The following NKAIN2 variants were observed in gnomAD, a reference collection of about 807,000 sequenced individuals.
NKAIN2 encodes the protein sodium/potassium-transporting ATPase subunit beta-1-interacting protein 2.
Under a neutral mutation model 32.6 loss-of-function variants are expected in NKAIN2, and 14 were observed. The observed-to-expected ratio is 0.43, with a 90% CI of 0.28 to 0.67. NKAIN2 has a LOEUF of 0.67. Ranked by LOEUF, NKAIN2 falls within the 30% of genes least tolerant of loss-of-function variation. The pLI is 0.17. For missense variants in NKAIN2, 198 were observed against 258.3 expected (o/e 0.77, Z 1.60); for synonymous variants, 80 against 87.2 (o/e 0.92, Z 0.46).
At chr6:124,261,888 A>G (rs938429177) in intron 1 of NKAIN2, among the ~76,000 whole-genome samples, 1 of 151,106 alleles carries the variant, frequency 6.6e-6, no homozygotes, top group African/African-American at 2.4e-5. Flanking sequence ...AAAAATTTTG[A>G]AATGGGGACA....
chr6:124,344,565 T>G (rs1340645351), intron 2 of NKAIN2, among the ~76,000 whole-genome samples: 2 of 151,768 alleles, frequency 1.3e-5, no homozygotes, highest in Non-Finnish European at 2.9e-5. Flanking sequence ...GTAAGTTGGA[T>G]TCCTAAGTAT....
chr6:124,457,083 C>A (rs777770442), intron 3 of NKAIN2, among the ~76,000 whole-genome samples: 4 of 151,864 alleles, frequency 2.6e-5, no homozygotes, highest in Non-Finnish European at 5.9e-5. Flanking sequence ...CCCTGAAGCA[C>A]CTGCTCTGTG....
chr6:124,122,417 A>G (rs1454305563), intron 1 of NKAIN2, among the ~76,000 whole-genome samples: 3 of 152,134 alleles, frequency 2.0e-5, no homozygotes, highest in African/African-American at 7.2e-5. Flanking sequence ...GACTCAAATT[A>G]TCCATGTTAT....
chr6:124,450,864 A>G (rs1313803778), intron 3 of NKAIN2, among the ~76,000 whole-genome samples: 1 of 152,072 alleles, frequency 6.6e-6, no homozygotes, highest in Non-Finnish European at 1.5e-5. Flanking sequence ...TTTGAACTCC[A>G]CTATTTTCTC....
At chr6:123,846,964 C>T (rs1775121082) in intron 1 of NKAIN2, among the ~76,000 whole-genome samples, 1 of 152,182 alleles carries the variant, frequency 6.6e-6, no homozygotes, top group African/African-American at 2.4e-5. Flanking sequence ...CCTTATCGCA[C>T]ATTCAGTCCA....
intron 3 of NKAIN2, among the ~76,000 whole-genome samples, chr6:124,553,132 G>A (rs1780351614): frequency 6.6e-6 from 1 of 152,082 alleles, no homozygotes; most frequent in African/African-American, 2.4e-5. Flanking sequence ...TTCAAAATTG[G>A]AGTTGCTTGG....
intron 3 of NKAIN2, among the ~76,000 whole-genome samples, chr6:124,489,950 G>C (rs886919568): frequency 6.6e-6 from 1 of 151,800 alleles, no homozygotes; most frequent in Non-Finnish European, 1.5e-5. Context: ...CATATGTAGG[G>C]CTATAATTAT....
chr6:124,133,817 A>G (rs531795140), intron 1 of NKAIN2, among the ~76,000 whole-genome samples: 1 of 152,158 alleles, frequency 6.6e-6, no homozygotes, highest in African/African-American at 2.4e-5. Context: ...AGGCTAAAAT[A>G]AACATTAAAG....
chr6:123,865,451 G>A (rs2114255989), intron 1 of NKAIN2, among the ~76,000 whole-genome samples: 1 of 151,866 alleles, frequency 6.6e-6, no homozygotes, highest in African/African-American at 2.4e-5. Flanking sequence ...TGAACTATAT[G>A]GAAATCTTTA....
chr6:124,489,595 A>G (rs9388338), intron 3 of NKAIN2, among the ~76,000 whole-genome samples: 13,190 of 151,952 alleles, frequency 0.087, 831 homozygotes, highest in East Asian at 0.34. Context: ...CCTATTTTAT[A>G]ATGCAGTGTT....
At chr6:123,842,538 A>G (rs1175323106) in intron 1 of NKAIN2, among the ~76,000 whole-genome samples, 1 of 152,168 alleles carries the variant, frequency 6.6e-6, no homozygotes, top group Non-Finnish European at 1.5e-5. Context: ...AATCTTGAGG[A>G]GACACAACCA....
chr6:124,266,748 C>A lies in NKAIN2; in HGVS notation c.55-16257C>A, dbSNP rs556791236. On this transcript the variant is annotated intron_variant, in intron 1 of 6. Transcript: ENST00000368417. ...CATAGTGAGGTAACATAAAATTGGA[C>A]AAGAGAGTATGGGCTTCAGTTGTCA... Among the ~76,000 whole-genome samples the A allele has an allele frequency of 6.0e-4, 91 of 152,260 alleles. 1 individual carries two copies. The highest frequency in any genetic ancestry group is 3.2e-4 in the Non-Finnish European group (22 of 68,016).
chr6:123,926,259 C>T (rs1775998703), intron 1 of NKAIN2, among the ~76,000 whole-genome samples: 1 of 152,134 alleles, frequency 6.6e-6, no homozygotes. Flanking sequence ...TGATTGTAAC[C>T]ACAGCTCTAT....
At chr6:124,346,948 G>T (rs1001394509) in intron 2 of NKAIN2, among the ~76,000 whole-genome samples, 37 of 152,230 alleles carry the variant, frequency 2.4e-4, no homozygotes, top group African/African-American at 8.9e-4. Context: ...TTTACATTTT[G>T]GCATGATTTT....
intron 4 of NKAIN2, among the ~76,000 whole-genome samples, chr6:124,727,856 G>C (rs917649301): frequency 6.7e-6 from 1 of 149,656 alleles, no homozygotes; most frequent in Admixed American, 6.7e-5. Context: ...TAAAAGGATG[G>C]AGGAAGATCT....
chr6:124,390,901 A>G (rs902454262), intron 3 of NKAIN2: 1 of 152,050 alleles, frequency 6.6e-6, no homozygotes, highest in South Asian at 2.1e-4. Context: ...GCACAAGGCC[A>G]TTGTAAGTTC....
At chr6:123,927,659 A>G (rs1776062628) in intron 1 of NKAIN2, among the ~76,000 whole-genome samples, 2 of 152,316 alleles carry the variant, frequency 1.3e-5, no homozygotes, top group East Asian at 3.9e-4. Context: ...AAACAGTCCT[A>G]TACAGGGGGA....
At chr6:123,912,410 AG>A (rs1181849880) in intron 1 of NKAIN2, among the ~76,000 whole-genome samples, 3 of 152,154 alleles carry the variant, frequency 2.0e-5, no homozygotes, top group African/African-American at 7.2e-5. Context: ...TTTCAATTTG[AG>A]TTGCACTACC....
chr6:123,826,149 GC>G (rs1189470197), intron 1 of NKAIN2, among the ~76,000 whole-genome samples: 29 of 152,126 alleles, frequency 1.9e-4, no homozygotes, highest in African/African-American at 7.0e-4. Context: ...CACTCCATCA[GC>G]CCCACCATTA....
Sources: allele counts gnomAD v4.1 joint callset (sites outside exome capture counted in the v4.1 genomes callset), GRCh38; gene constraint gnomAD v4.1.1; transcripts MANE v1.5; gene names NCBI Gene and HGNC (gene_info 2026-07-23, HGNC 2026-07-21).